Variants in SERBP1 observed in about 807,000 individuals in gnomAD.
The protein encoded by SERBP1 is SERPINE1 mRNA-binding protein 1.
In SERBP1, 6 loss-of-function variants were observed where a neutral mutation model predicts 50.2. The observed-to-expected ratio is 0.12, with a 90% CI of 0.07 to 0.24. The LOEUF (loss-of-function observed/expected upper bound fraction) is 0.24, where lower values mean the gene tolerates loss of function less well. SERBP1 is among the 10% of genes least tolerant of loss of function. SERBP1 has a pLI of 1.00. For synonymous variants in SERBP1, 168 were observed against 182.8 expected, an observed-to-expected ratio of 0.92 and a Z score of 0.65; for missense variants, 346 against 524.9, an observed-to-expected ratio of 0.66 and a Z score of 3.33.
rs1203151177 is a variant in SERBP1 at position 67,411,647 on chromosome 1, T to G, written c.*1560A>C. The G allele has an allele frequency of 6.6e-6, 1 of 152,202 alleles. No homozygotes were observed. The highest frequency in any genetic ancestry group is 1.5e-5 in the Non-Finnish European group (1 of 68,026). The allele number at this position is 152,202 out of a possible 1,614,324, so 9.4% of individuals were successfully genotyped here. A position where few individuals can be genotyped will look rare whatever the true frequency, so the allele number is the denominator to read the frequency against. On this transcript the variant is annotated 3_prime_UTR_variant, in exon 8 of 8. Coordinates refer to ENST00000361219, the MANE Select transcript of SERBP1 (RefSeq NM_001018069.2). Reference sequence around the variant, plus strand: ...TAAATCTTATCCAAAAAGTAACTCTTATAACATAAAAGTTTCTTTTAGAAG... The same window carrying G: ...TAAATCTTATCCAAAAAGTAACTCTGATAACATAAAAGTTTCTTTTAGAAG...
chr1:67,413,012 G>C lies in SERBP1; in HGVS notation c.*195C>G. 1 of 647,272 alleles carries C rather than the reference G, an allele frequency of 1.5e-6. No individual in the cohort carries two copies. The highest frequency in any genetic ancestry group is 2.5e-6 in the Non-Finnish European group (1 of 399,388). 40.1% of individuals were successfully genotyped at this position (647,272 alleles called of 1,614,324 possible). On this transcript the variant is annotated 3_prime_UTR_variant, in exon 8 of 8. Transcript: ENST00000361219. ...CCAATACATTTCTAAATACAAAACT[G>C]ACTACCATATTTGTTACTTCTGTGT... is the stretch of plus-strand genomic sequence containing the variant.
chr1:67,416,196 A>T (rs1667005989), intron 6 of SERBP1, among the ~76,000 whole-genome samples: 1 of 151,994 alleles, frequency 6.6e-6, no homozygotes, highest in South Asian at 2.1e-4. Flanking sequence ...TGTATTTTTT[A>T]TAGACAGGTT....
chr1:67,421,588 T>A (rs993467548), intron 5 of SERBP1, among the ~76,000 whole-genome samples: 2 of 152,222 alleles, frequency 1.3e-5, no homozygotes, highest in Non-Finnish European at 2.9e-5. Context: ...CAATAGCCTA[T>A]CAATACATTA....
chr1:67,424,107 C>T, intron 5 of SERBP1, 93 bp downstream of exon 5: 1 of 1,300,750 alleles, frequency 7.7e-7, no homozygotes, highest in South Asian at 1.8e-5. Flanking sequence ...AAAAAGCCAT[C>T]AAGTAACAGC....
At position 67,424,114 on chromosome 1, in the gene SERBP1, C is replaced by T. The variant is rs1270591560; in HGVS notation, c.773+86G>A. Reference sequence around the variant, plus strand: ...TCAAAAACAAAAAGCCATCAAGTAACAGCATTAAATCTATGGGTTATCTTA... The same window carrying T: ...TCAAAAACAAAAAGCCATCAAGTAATAGCATTAAATCTATGGGTTATCTTA... On this transcript the variant is annotated intron_variant, in intron 5 of 7. Transcript: ENST00000361219. 3.0e-6 allele frequency: 4 copies of T among 1,343,412 alleles called. No individual in the cohort carries two copies. In the African/African-American group the frequency reaches 6.0e-5, roughly 20 times the overall value. The allele number at this position is 1,343,412 out of a possible 1,614,324, so 83.2% of individuals were successfully genotyped here.
At chr1:67,427,192 T>G (rs1329136571) in intron 1 of SERBP1, among the ~76,000 whole-genome samples, 3 of 152,210 alleles carry the variant, frequency 2.0e-5, no homozygotes, top group Admixed American at 2.0e-4. Context: ...AAGCAACATG[T>G]AAGAAATAAG....
intron 6 of SERBP1, among the ~76,000 whole-genome samples, chr1:67,417,835 G>A (rs1242340960): frequency 6.6e-6 from 1 of 151,858 alleles, no homozygotes; most frequent in African/African-American, 2.4e-5. Flanking sequence ...CTCAGACAAT[G>A]AGGAGCAGAA....
intron 7 of SERBP1, among the ~76,000 whole-genome samples, chr1:67,413,470 G>A (rs1666904074): frequency 6.6e-6 from 1 of 152,054 alleles, no homozygotes; most frequent in Admixed American, 6.6e-5. Flanking sequence ...CCAACATGGT[G>A]AAATCCTGTC....
At chr1:67,422,121 C>T (rs1363770343) in intron 5 of SERBP1, among the ~76,000 whole-genome samples, 1 of 152,104 alleles carries the variant, frequency 6.6e-6, no homozygotes, top group African/African-American at 2.4e-5. Flanking sequence ...TTATCTACTC[C>T]CTCCAATAGT....
At chr1:67,424,075 G>GT (rs1570299437) in intron 5 of SERBP1, 125 bp downstream of exon 5, 1 of 926,446 alleles carries the variant, frequency 1.1e-6, no homozygotes, top group Non-Finnish European at 1.6e-6. Context: ...TGAGGGTACA[G>GT]TAAGTCTCCC....
chr1:67,419,832 T>C, intron 6 of SERBP1, 177 bp downstream of exon 6: 1 of 598,766 alleles, frequency 1.7e-6, no homozygotes, highest in South Asian at 2.2e-5. Flanking sequence ...AGGACTAAAT[T>C]TCTTAGAATA....
intron 5 of SERBP1, chr1:67,420,542 TCTC>T (rs1667167601): frequency 5.9e-6 from 1 of 170,304 alleles, no homozygotes; most frequent in South Asian, 1.8e-4. Context: ...CAGCCTATCT[TCTC>T]CTAAACCACA....
chr1:67,421,197 G>A (rs1667186552), intron 5 of SERBP1, among the ~76,000 whole-genome samples: 1 of 151,872 alleles, frequency 6.6e-6, no homozygotes, highest in African/African-American at 2.4e-5. Flanking sequence ...TGGGATCTTG[G>A]GTACTGAGTC....
chr1:67,426,311 A>G, intron 1 of SERBP1, 26 bp from the exon 2 acceptor site: 1 of 1,548,734 alleles, frequency 6.5e-7, no homozygotes, highest in Non-Finnish European at 8.7e-7. Context: ...AACCTGCATA[A>G]GCAAATTATT....
At chr1:67,415,505 G>A (rs1182036518) in intron 6 of SERBP1, among the ~76,000 whole-genome samples, 166 bp from the exon 7 acceptor site, 3 of 152,182 alleles carry the variant, frequency 2.0e-5, no homozygotes, top group Non-Finnish European at 1.5e-5. Context: ...CAGCTTTAGT[G>A]ATCCTGGAGG....
intron 6 of SERBP1, chr1:67,419,804 T>C (rs1200596601): frequency 1.4e-5 from 8 of 556,500 alleles, no homozygotes; most frequent in Admixed American, 3.5e-5. Flanking sequence ...ACATAAAACA[T>C]AATTACAAAT....
At chr1:67,415,506 A>T (rs1327338515) in intron 6 of SERBP1, among the ~76,000 whole-genome samples, 167 bp from the exon 7 acceptor site, 4 of 152,210 alleles carry the variant, frequency 2.6e-5, no homozygotes, top group African/African-American at 9.6e-5. Flanking sequence ...AGCTTTAGTG[A>T]TCCTGGAGGA....
In SERBP1 at chr1:67,424,950, C is replaced by T. The variant is rs1473539991; in HGVS notation, c.633G>A (p.Lys211=). 3.7e-6 allele frequency: 6 copies of T among 1,612,994 alleles called. No homozygotes were observed. Among genetic ancestry groups the T allele is most frequent in the Non-Finnish European group, 5.1e-6 (6 of 1,179,902 alleles). The change falls in exon 4 of 8, where the codon AAG becomes AAA. Residue 211 remains lysine (K), a synonymous_variant. Coordinates refer to ENST00000361219, the MANE Select transcript of SERBP1 (RefSeq NM_001018069.2). The part of the protein sequence containing the change: ...RSSFSHYSGL[K]HEDKRGGSGS... ...CGCTACCTCCACGTTTGTCCTCGTG[C>T]TTCAGGCCACTGTAATGTGAAAAAG...
intron 6 of SERBP1, among the ~76,000 whole-genome samples, chr1:67,416,630 T>C (rs1428432245): frequency 6.6e-6 from 1 of 152,206 alleles, no homozygotes; most frequent in East Asian, 1.9e-4. Flanking sequence ...AGACTCAACT[T>C]AAAATATTAC....
Sources: allele counts gnomAD v4.1 joint callset (sites outside exome capture counted in the v4.1 genomes callset), GRCh38; gene constraint gnomAD v4.1.1; transcripts MANE v1.5; gene names NCBI Gene and HGNC (gene_info 2026-07-23, HGNC 2026-07-21).